The following RASSF1 variants were observed in gnomAD, a reference collection of about 807,000 sequenced individuals.
The protein encoded by RASSF1 is Ras association domain family member 1.
RASSF1 carries 33 observed loss-of-function variants against 34.3 expected under a neutral mutation model. The ratio of observed to expected loss-of-function variants is 0.96; its 90% CI spans 0.73 to 1.29. The LOEUF (loss-of-function observed/expected upper bound fraction) is 1.29, where lower values mean the gene tolerates loss of function less well. Ranked by LOEUF, RASSF1 falls within the 50% of genes most tolerant of loss-of-function variation. RASSF1 has a pLI of 0.00. For synonymous variants in RASSF1, 191 were observed against 195.0 expected (o/e 0.98, Z 0.17); for missense variants, 445 against 471.8 (o/e 0.94, Z 0.53).
chr3:50,337,701 T>G (rs1703208724), intron 2 of RASSF1: 2 of 837,012 alleles, frequency 2.4e-6, no homozygotes, highest in African/African-American at 3.5e-5. Context: ...TGGGCCCGGG[T>G]CCGCTTGCAG....
At chr3:50,336,880 A>C in intron 2 of RASSF1, 1 of 451,120 alleles carries the variant, frequency 2.2e-6, no homozygotes, top group Non-Finnish European at 4.0e-6. Context: ...GGTCGGCTTT[A>C]GTCATAGCTG....
At chr3:50,340,060 G>C (rs765747524) in intron 1 of RASSF1, among the ~76,000 whole-genome samples, 8 of 152,162 alleles carry the variant, frequency 5.3e-5, no homozygotes, top group Non-Finnish European at 1.2e-4. Context: ...GCATATTTTA[G>C]CATCTGATTC....
chr3:50,330,501 G>A lies in RASSF1; in HGVS notation c.*80C>T. ...GCCTCCATGCACACTCATTCCACAG[G>A]CCCCACTGGCCCTGTCACACTCACA... On this transcript the variant is annotated 3_prime_UTR_variant, in exon 6 of 6. Transcript: ENST00000359365. This position sits in a 1 kb window ranked among gnomAD's most constrained non-coding sequence, Gnocchi z 4.5. The A allele has an allele frequency of 6.4e-7, 1 of 1,552,554 alleles. No individual in the cohort carries two copies. Among genetic ancestry groups the A allele is most frequent in the South Asian group, 1.1e-5 (1 of 87,366 alleles).
intron 3 of RASSF1, 25 bp downstream of exon 3, chr3:50,332,024 GC>G: frequency 1.2e-6 from 2 of 1,607,838 alleles, no homozygotes; most frequent in Non-Finnish European, 1.7e-6. Flanking sequence ...TCCTCCCCAC[GC>G]CCCCTTCCTG....
intron 5 of RASSF1, among the ~76,000 whole-genome samples, chr3:50,331,008 C>G (rs757491702): frequency 1.3e-5 from 2 of 152,212 alleles, no homozygotes; most frequent in Admixed American, 6.5e-5. Context: ...CTCCACAGGC[C>G]TAATACCTTG....
intron 2 of RASSF1, chr3:50,336,963 A>T: frequency 1.5e-6 from 1 of 684,004 alleles, no homozygotes; most frequent in Non-Finnish European, 2.3e-6. Flanking sequence ...TGTGACAGAA[A>T]CCAAGGGGGC....
Position 50,331,735 on chromosome 3 carries a change from C to G in RASSF1, c.584G>C (p.Gly195Ala). Residue 195 changes from glycine to alanine, a missense_variant, in exon 4 of 6, where the codon GGC (glycine) becomes GCC (alanine). Transcript: ENST00000359365. Reference sequence around the variant, plus strand: ...GGAAGTGCGGCGCCTGACACTTGTGCCCCGTCCTGGGCCCCGCCGGGCATC... The same window carrying G: ...GGAAGTGCGGCGCCTGACACTTGTGGCCCGTCCTGGGCCCCGCCGGGCATC... Reference protein sequence around the residue: ...LQDARRGPGRGTSVRRRTSFY... With the variant: ...LQDARRGPGRATSVRRRTSFY... 6.2e-7 allele frequency: 1 copy of G among 1,612,794 alleles called. No individual in the cohort carries two copies. The highest frequency in any genetic ancestry group is 8.5e-7 in the Non-Finnish European group (1 of 1,179,180).
chr3:50,331,718 G>A lies in RASSF1; in HGVS notation c.601C>T (p.Arg201Cys), dbSNP rs750917798. The change falls in exon 4 of 6, where the codon CGC becomes TGC. Residue 201 changes from arginine (R) to cysteine (C), a missense_variant. Transcript: ENST00000359365. ...GPGRGTSVRR[R>C]TSFYLPKDAV... ...TCCTTGGGCAGGTAAAAGGAAGTGC[G>A]GCGCCTGACACTTGTGCCCCGTCCT... 16 of 1,612,996 alleles carry A rather than the reference G, an allele frequency of 9.9e-6. No homozygotes were observed. Among genetic ancestry groups the A allele is most frequent in the African/African-American group, 1.3e-5 (1 of 74,918 alleles).
chr3:50,338,251 A>C (rs1267872942), intron 1 of RASSF1: 2 of 1,297,438 alleles, frequency 1.5e-6, no homozygotes, highest in East Asian at 3.0e-5. Flanking sequence ...ATCGCCTAGC[A>C]CAGAACTTCC....
At position 50,332,038 on chromosome 3, in the gene RASSF1, C is replaced by G; in HGVS notation, c.462+12G>C. 1.2e-6 allele frequency: 2 copies of G among 1,612,916 alleles called. No individual in the cohort carries two copies. Among genetic ancestry groups the G allele is most frequent in the Non-Finnish European group, 1.7e-6 (2 of 1,178,958 alleles). ...CTCCTCCCCACGCCCCCTTCCTGAGCAGTCAACTCACCAAGCTCATGAAGA... is the reference window on the plus strand; with the variant it reads ...CTCCTCCCCACGCCCCCTTCCTGAGGAGTCAACTCACCAAGCTCATGAAGA... On this transcript the variant is annotated intron_variant, in intron 3 of 5. Transcript: ENST00000359365.
In RASSF1 at chr3:50,331,433, C is replaced by T; in HGVS notation, c.777G>A (p.Leu259=). The change falls in exon 5 of 6, where the codon CTG becomes CTA. Residue 259 remains leucine, a synonymous_variant. Transcript: ENST00000359365. ...GCCGCAGGGGCTGCTCATCATCCAA[C>T]AGCTTCCGCAAGTACACTGTGAAGG... ...ERHGQVYLRK[L]LDDEQPLRLR... is the part of the protein sequence containing the mutation. 2 of 1,598,818 alleles carry T rather than the reference C, an allele frequency of 1.3e-6. No individual in the cohort carries two copies. The highest frequency in any genetic ancestry group is 2.2e-5 in the South Asian group (2 of 89,924).
chr3:50,337,835 C>A, intron 2 of RASSF1, 70 bp downstream of exon 2: 1 of 1,373,522 alleles, frequency 7.3e-7, no homozygotes, highest in Non-Finnish European at 1.0e-6. Flanking sequence ...ACCCAGGCAG[C>A]CCTCGAGAAT....
rs587676618 is a variant in RASSF1, at chr3:50,337,563, C to T, written c.357+342G>A. The T allele has an allele frequency of 2.2e-3, 3,193 of 1,421,018 alleles. 2 individuals carry two copies. Among genetic ancestry groups the T allele is most frequent in the Non-Finnish European group, 2.8e-3 (2,908 of 1,052,056 alleles). The allele number at this position is 1,421,018 out of a possible 1,614,324, so 88.0% of individuals were successfully genotyped here. On this transcript the variant is annotated intron_variant, in intron 2 of 5. Coordinates refer to ENST00000359365, the MANE Select transcript of RASSF1 (RefSeq NM_007182.5). ...CCTCATCGCTCCGGAGCTCCACTCACAGACCCCACCTACCACAGGGAACGG... is the reference window on the plus strand; with the variant it reads ...CCTCATCGCTCCGGAGCTCCACTCATAGACCCCACCTACCACAGGGAACGG...
rs774186753 is a variant in RASSF1, at chr3:50,338,008, C to T, written c.254G>A (p.Cys85Tyr). 6 of 1,584,544 alleles carry T rather than the reference C, an allele frequency of 3.8e-6. No individual in the cohort carries two copies. The East Asian group carries it at 1.4e-4, about 37-fold the overall frequency. Residue 85 changes from cysteine to tyrosine, a missense_variant, in exon 2 of 6, where the codon TGC becomes TAC. Transcript: ENST00000359365. ...GCAGCGGTAGTGGCAGGTGAACTTG[C>T]AATCTGCAGAGAGGCCTGGCGGTGA... ...VVRKGLQCAH[C>Y]KFTCHYRCRA...
intron 2 of RASSF1, chr3:50,337,411 C>G: frequency 6.3e-7 from 1 of 1,583,414 alleles, no homozygotes. Context: ...TCAGTGTGCG[C>G]GTGCGCCCGG....
rs587742681 is a variant in RASSF1, at chr3:50,332,137, C to T, written c.375G>A (p.Trp125Ter). The T allele has an allele frequency of 2.5e-6, 4 of 1,614,150 alleles. No individual in the cohort carries two copies. The highest frequency in any genetic ancestry group is 1.1e-5 in the South Asian group (1 of 91,084). ...RDTNVDEPVE[W>*]ETPDLSQAEI... is the part of the protein sequence containing the mutation. ...CAGCTTGAGAAAGGTCAGGTGTCTC[C>T]CACTCCACAGGCTCGTCCTGCAAGA... is the stretch of plus-strand genomic sequence containing the variant. The change falls in exon 3 of 6, where the codon TGG (tryptophan) becomes TGA (stop). Residue 125 changes from tryptophan (W) to a stop codon, truncating the protein, a stop_gained. Transcript: ENST00000359365. LOFTEE classifies it high-confidence loss of function.
Position 50,330,542 on chromosome 3 carries a change from G to A in RASSF1, c.*39C>T, listed in dbSNP as rs782540545. The A allele has an allele frequency of 8.7e-6, 14 of 1,610,930 alleles. No individual in the cohort carries two copies. The highest frequency in any genetic ancestry group is 3.7e-4 in the Middle Eastern group (2 of 5,380). On this transcript the variant is annotated 3_prime_UTR_variant, in exon 6 of 6. Coordinates refer to ENST00000359365, the MANE Select transcript of RASSF1 (RefSeq NM_007182.5). This position sits in a 1 kb window ranked among gnomAD's most constrained non-coding sequence, Gnocchi z 4.5. The stretch of plus-strand genomic sequence containing the variant: ...CACACTCACACGGCACGCACTTGGC[G>A]CTGCCTGCTGTCTGCCTTCCACCTG...
chr3:50,337,435 C>A, intron 2 of RASSF1: 1 of 1,577,720 alleles, frequency 6.3e-7, no homozygotes, highest in South Asian at 1.1e-5. Flanking sequence ...AGAGCCGCGC[C>A]GCAACCGTTA....
At position 50,331,628 on chromosome 3, in the gene RASSF1, G is replaced by A. The variant is rs758776114; in HGVS notation, c.691C>T (p.Arg231Ter). 12 of 1,605,150 alleles carry A rather than the reference G, an allele frequency of 7.5e-6. No homozygotes were observed. Among genetic ancestry groups the A allele is most frequent in the Admixed American group, 3.3e-5 (2 of 59,848 alleles). The change falls in exon 4 of 6, where the codon CGA (arginine) becomes TGA (stop). Residue 231 changes from arginine to a stop codon, truncating the protein, a stop_gained. Transcript: ENST00000359365. LOFTEE classifies it high-confidence loss of function. ...RAREVIEALL[R>*]KFLVVDDPRK... ...GGGTCATCCACCACCAAGAACTTTC[G>A]CAGCAGGGCCTCAATGACTTCACGT...
Sources: gnomAD v4.1 joint callset for allele counts (sites outside exome capture counted in the v4.1 genomes callset) on GRCh38, gnomAD v4.1.1 for gene constraint, Gnocchi (gnomAD v3.1) non-coding constraint, MANE v1.5 for transcripts, NCBI Gene and HGNC (gene_info 2026-07-23, HGNC 2026-07-21) for gene names.